Variants in RANBP17 observed in about 807,000 individuals in gnomAD.
The protein encoded by RANBP17 is ran-binding protein 17.
A neutral mutation model predicts 141.2 loss-of-function variants in RANBP17; 158 were observed. The ratio of observed to expected loss-of-function variants is 1.12; its 90% CI spans 0.98 to 1.28. RANBP17 has a LOEUF of 1.28. RANBP17 is among the 50% of genes most tolerant of loss of function. RANBP17 has a pLI of 0.00. For synonymous variants in RANBP17, 430 were observed against 450.0 expected, an observed-to-expected ratio of 0.96 and a Z score of 0.56; for missense variants, 1,438 against 1,290.7, an observed-to-expected ratio of 1.11 and a Z score of -1.75.
intron 15 of RANBP17, 84 bp downstream of exon 15, chr5:171,170,287 A>G (rs1581783307): frequency 3.6e-6 from 2 of 559,008 alleles, no homozygotes; most frequent in East Asian, 6.7e-5. Context: ...AAACCTTTTT[A>G]TATATTAATT....
intron 5 of RANBP17, chr5:170,897,333 T>C (rs767444988): frequency 8.8e-6 from 5 of 567,696 alleles, no homozygotes; most frequent in Non-Finnish European, 1.7e-5. Context: ...GGATCTGGGC[T>C]TGGCACATTT....
intron 18 of RANBP17, among the ~76,000 whole-genome samples, chr5:171,193,419 GT>G (rs1170921546): frequency 6.6e-6 from 1 of 150,622 alleles, no homozygotes; most frequent in Non-Finnish European, 1.5e-5. Context: ...TGTGCCCCAG[GT>G]TGTATTTCAG....
intron 14 of RANBP17, among the ~76,000 whole-genome samples, chr5:170,981,864 C>T (rs1317761714): frequency 6.6e-6 from 1 of 152,130 alleles, no homozygotes; most frequent in Non-Finnish European, 1.5e-5. Context: ...ACTAAGAACC[C>T]TGGAAAAGCC....
intron 14 of RANBP17, among the ~76,000 whole-genome samples, chr5:171,022,590 G>A (rs1780945390): frequency 6.6e-6 from 1 of 152,226 alleles, no homozygotes; most frequent in Non-Finnish European, 1.5e-5. Flanking sequence ...CACAGCCGGT[G>A]TGTTGGGCTG....
intron 16 of RANBP17, among the ~76,000 whole-genome samples, chr5:171,177,350 A>G (rs1036341703): frequency 2.0e-5 from 3 of 151,974 alleles, no homozygotes; most frequent in South Asian, 2.1e-4. Flanking sequence ...TGATCTGATC[A>G]TTTCTCTTCC....
At chr5:171,222,464 C>T (rs1279665775) in intron 22 of RANBP17, among the ~76,000 whole-genome samples, 1 of 152,076 alleles carries the variant, frequency 6.6e-6, no homozygotes, top group South Asian at 2.1e-4. Context: ...GATAAAAATC[C>T]TCTGTAATCT....
intron 12 of RANBP17, among the ~76,000 whole-genome samples, chr5:170,946,010 A>G (rs1386624794): frequency 6.6e-6 from 1 of 152,170 alleles, no homozygotes; most frequent in East Asian, 1.9e-4. Flanking sequence ...TGACAACTGT[A>G]TTGCTGGAGC....
intron 14 of RANBP17, among the ~76,000 whole-genome samples, chr5:171,124,903 A>G (rs976964735): frequency 2.0e-5 from 3 of 152,360 alleles, no homozygotes; most frequent in African/African-American, 4.8e-5. Flanking sequence ...AATTCCTCCA[A>G]TTAAAAGATA....
intron 14 of RANBP17, among the ~76,000 whole-genome samples, chr5:171,167,231 C>G (rs1001753527): frequency 2.0e-5 from 3 of 152,112 alleles, no homozygotes; most frequent in Non-Finnish European, 4.4e-5. Flanking sequence ...GGAAAACTTC[C>G]TTGTAGGACC....
intron 2 of RANBP17, among the ~76,000 whole-genome samples, chr5:170,879,177 CATAG>C (rs1234513851): frequency 6.6e-6 from 1 of 152,058 alleles, no homozygotes; most frequent in African/African-American, 2.4e-5. Context: ...TATCTTTTCA[CATAG>C]ATAGGTACTG....
intron 14 of RANBP17, among the ~76,000 whole-genome samples, chr5:171,017,750 T>C (rs1161190944): frequency 1.3e-5 from 2 of 152,198 alleles, no homozygotes; most frequent in African/African-American, 4.8e-5. Flanking sequence ...AGAAGCTCTT[T>C]AGTTTAATTA....
chr5:171,151,563 GTTA>G (rs1758479126), intron 14 of RANBP17, among the ~76,000 whole-genome samples: 1 of 152,166 alleles, frequency 6.6e-6, no homozygotes, highest in Non-Finnish European at 1.5e-5. Flanking sequence ...TTCTCAACAA[GTTA>G]TTATGAAAAG....
intron 14 of RANBP17, among the ~76,000 whole-genome samples, chr5:171,114,221 A>G (rs900619442): frequency 3.3e-5 from 5 of 152,084 alleles, no homozygotes; most frequent in African/African-American, 9.7e-5. Flanking sequence ...AACCTTCCTC[A>G]TATTTCAGAA....
intron 3 of RANBP17, among the ~76,000 whole-genome samples, chr5:170,889,061 C>CT (rs925813769): frequency 6.0e-5 from 9 of 150,686 alleles, no homozygotes; most frequent in Admixed American, 1.3e-4. Flanking sequence ...TTTTTTCTTT[C>CT]TTTTTTTTTG....
intron 13 of RANBP17, among the ~76,000 whole-genome samples, chr5:170,963,550 G>C (rs1292621975): frequency 6.6e-6 from 1 of 152,190 alleles, no homozygotes; most frequent in African/African-American, 2.4e-5. Flanking sequence ...CCGGGGCAGG[G>C]GATGGTTTCA....
chr5:170,905,418 C>G (rs1770997490), intron 5 of RANBP17, among the ~76,000 whole-genome samples: 1 of 152,032 alleles, frequency 6.6e-6, no homozygotes, highest in South Asian at 2.1e-4. Flanking sequence ...TTGCCAACTC[C>G]CTTTGGAGTA....
At chr5:170,935,751 C>A (rs1253446695) in intron 12 of RANBP17, among the ~76,000 whole-genome samples, 1 of 152,232 alleles carries the variant, frequency 6.6e-6, no homozygotes, top group African/African-American at 2.4e-5. Flanking sequence ...CAGGGACCCA[C>A]TTGAGGAGGC....
intron 25 of RANBP17, among the ~76,000 whole-genome samples, chr5:171,277,637 G>GTGTATATATGTATATATATATATA (rs1437482589): frequency 1.8e-5 from 1 of 56,916 alleles, no homozygotes; most frequent in Non-Finnish European, 3.4e-5. Context: ...ATATATGTAT[G>GTGTATATATGTATATATATATATA]TATATATATA....
chr5:171,211,326 G>A (rs1313583381), intron 20 of RANBP17, among the ~76,000 whole-genome samples: 2 of 151,684 alleles, frequency 1.3e-5, no homozygotes, highest in African/African-American at 4.8e-5. Context: ...CAGTGGTGCA[G>A]TCTTGGCTCA....
Sources: allele counts gnomAD v4.1 joint callset (sites outside exome capture counted in the v4.1 genomes callset), GRCh38; gene constraint gnomAD v4.1.1; transcripts MANE v1.5; gene names NCBI Gene and HGNC (gene_info 2026-07-23, HGNC 2026-07-21).